EPHB1: variants seen among roughly 807,000 people sequenced by gnomAD.
EPHB1 encodes the protein EPH receptor B1, also known as ephrin type-B receptor 1.
In EPHB1, 30 loss-of-function variants were observed where a neutral mutation model predicts 94.4. The ratio of observed to expected loss-of-function variants is 0.32; its 90% confidence interval spans 0.24 to 0.43. The LOEUF is 0.43. Among genes scored for constraint, EPHB1 ranks in the 20% least tolerant of loss-of-function variants. The pLI, the probability that EPHB1 is intolerant of heterozygous loss-of-function variation, is 1.00. For missense variants in EPHB1, 1,055 were observed against 1,308.3 expected (o/e 0.81, Z 2.99); for synonymous variants, 522 against 489.1 (o/e 1.07, Z -0.89).
At chr3:135,194,962 C>G (rs1182117351) in intron 11 of EPHB1, among the ~76,000 whole-genome samples, 1 of 152,212 alleles carries the variant, frequency 6.6e-6, no homozygotes, top group South Asian at 2.1e-4. Flanking sequence ...GCTGCCACAC[C>G]TGTCATGTCA....
intron 3 of EPHB1, among the ~76,000 whole-genome samples, chr3:135,037,667 C>T (rs895242563): frequency 2.0e-5 from 3 of 152,146 alleles, no homozygotes; most frequent in African/African-American, 7.2e-5. Context: ...AGTAAATGAA[C>T]CAGCTAAAAG....
intron 4 of EPHB1, among the ~76,000 whole-genome samples, chr3:135,129,913 T>G (rs979871125): frequency 2.0e-5 from 3 of 152,100 alleles, no homozygotes; most frequent in Non-Finnish European, 4.4e-5. Context: ...AACATTTCTA[T>G]TAGCCAAAAT....
At chr3:134,805,121 G>T (rs1450208535) in intron 1 of EPHB1, among the ~76,000 whole-genome samples, 1 of 152,190 alleles carries the variant, frequency 6.6e-6, no homozygotes, top group Non-Finnish European at 1.5e-5. Context: ...GGGGATGGGG[G>T]ATTGGGAAGG....
intron 3 of EPHB1, among the ~76,000 whole-genome samples, chr3:134,966,685 G>A (rs1400250676): frequency 6.6e-6 from 1 of 152,258 alleles, no homozygotes; most frequent in Non-Finnish European, 1.5e-5. Flanking sequence ...GCCCCAGCTT[G>A]GAAAATATGT....
chr3:134,807,407 A>T (rs918865229), intron 1 of EPHB1, among the ~76,000 whole-genome samples: 3 of 152,030 alleles, frequency 2.0e-5, no homozygotes, highest in Admixed American at 6.6e-5. Flanking sequence ...ATAGACTCTG[A>T]TGGATGCGGT....
chr3:135,150,737 T>C (rs1446838259), intron 5 of EPHB1, among the ~76,000 whole-genome samples: 7 of 152,240 alleles, frequency 4.6e-5, no homozygotes. Context: ...TTGATTCTCT[T>C]GGTGATCTCT....
chr3:135,142,715 G>T (rs1226080022), intron 5 of EPHB1, among the ~76,000 whole-genome samples: 2 of 152,156 alleles, frequency 1.3e-5, no homozygotes, highest in Non-Finnish European at 2.9e-5. Context: ...AAATTGGCAG[G>T]CATGGAAGAG....
rs370457116 is a variant in EPHB1 at position 134,941,246 on chromosome 3, T to G, written c.124-10125T>G. Reference sequence around the variant, plus strand: ...TTCAGAGGCACAGAGTGGAATCAGCTCAAATCTCTCACCTTCATTTTATAG... The same window carrying G: ...TTCAGAGGCACAGAGTGGAATCAGCGCAAATCTCTCACCTTCATTTTATAG... On this transcript the variant is annotated intron_variant, in intron 2 of 15. Transcript: ENST00000398015. Among the ~76,000 whole-genome samples the G allele has an allele frequency of 7.9e-5, 12 of 151,710 alleles. No homozygotes were observed. The East Asian group carries it at 1.5e-3, about 20-fold the overall frequency.
At chr3:134,824,272 G>A (rs528622118) in intron 1 of EPHB1, among the ~76,000 whole-genome samples, 11 of 152,002 alleles carry the variant, frequency 7.2e-5, no homozygotes, top group East Asian at 1.9e-4. Context: ...GGAGCCAGTC[G>A]GGGGTGAAGT....
chr3:135,254,342 C>T (rs1023745902), intron 15 of EPHB1, among the ~76,000 whole-genome samples: 2 of 76,606 alleles, frequency 2.6e-5, no homozygotes, highest in Non-Finnish European at 5.5e-5. Context: ...ATGATATTGG[C>T]TGTGGGTTTG....
At chr3:135,175,239 GC>G (rs939164966) in intron 9 of EPHB1, among the ~76,000 whole-genome samples, 1 of 152,160 alleles carries the variant, frequency 6.6e-6, no homozygotes, top group African/African-American at 2.4e-5. Context: ...ACATGTCCCA[GC>G]CTTTTCACTT....
At position 135,106,461 on chromosome 3, in the gene EPHB1, G is replaced by A. The variant is rs747232184; in HGVS notation, c.819G>A (p.Gly273=). ...TTTGTGTTCTAGCTTGCCCTGCAGG[G>A]ACATTCAAGGCCAGCCAGGAAGCTG... ...NSVACKACPA[G]TFKASQEAEG... is the part of the protein sequence containing the mutation. Residue 273 remains glycine, a synonymous_variant, in exon 4 of 16, where the codon GGG becomes GGA. Coordinates refer to ENST00000398015, the MANE Select transcript of EPHB1 (RefSeq NM_004441.5). 2 of 1,613,866 alleles carry A rather than the reference G, an allele frequency of 1.2e-6. No individual in the cohort carries two copies. Among genetic ancestry groups the A allele is most frequent in the East Asian group, 2.2e-5 (1 of 44,880 alleles).
At chr3:134,881,947 T>A (rs2037739552) in intron 1 of EPHB1, among the ~76,000 whole-genome samples, 1 of 152,126 alleles carries the variant, frequency 6.6e-6, no homozygotes, top group Non-Finnish European at 1.5e-5. Context: ...TAAAGCTTTA[T>A]TGCAAAAAAC....
chr3:135,054,024 C>CAT (rs144029421), intron 3 of EPHB1, among the ~76,000 whole-genome samples: 37,430 of 136,870 alleles, frequency 0.27, 5,463 homozygotes, highest in East Asian at 0.57. Flanking sequence ...TGTGTGTCTG[C>CAT]ATATATATAT....
chr3:135,026,154 T>A (rs1297418514), intron 3 of EPHB1, among the ~76,000 whole-genome samples: 1 of 139,030 alleles, frequency 7.2e-6, no homozygotes, highest in South Asian at 2.5e-4. Flanking sequence ...TTTCTCCCAT[T>A]TTGTAGGTTG....
At chr3:134,905,637 G>A (rs2038306929) in intron 1 of EPHB1, among the ~76,000 whole-genome samples, 1 of 152,246 alleles carries the variant, frequency 6.6e-6, no homozygotes, top group Admixed American at 6.5e-5. Flanking sequence ...GGGCCAGTCA[G>A]TGTGGCCTGT....
chr3:135,067,471 G>C (rs557684021), intron 3 of EPHB1: 1 of 152,242 alleles, frequency 6.6e-6, no homozygotes, highest in African/African-American at 2.4e-5. Context: ...TCAGGGAAGT[G>C]GGGGAGAGCT....
chr3:134,983,730 A>AG (rs1398998924), intron 3 of EPHB1, among the ~76,000 whole-genome samples: 14 of 152,278 alleles, frequency 9.2e-5, no homozygotes, highest in Non-Finnish European at 1.6e-4. Context: ...GCCCCCTGTG[A>AG]GGGGTGCTGG....
chr3:134,872,731 C>A (rs1260026949), intron 1 of EPHB1, among the ~76,000 whole-genome samples: 1 of 152,212 alleles, frequency 6.6e-6, no homozygotes, highest in African/African-American at 2.4e-5. Context: ...AGGGTGAATA[C>A]CTTAGTACTT....
Sources: allele counts gnomAD v4.1 joint callset (sites outside exome capture counted in the v4.1 genomes callset), GRCh38; gene constraint gnomAD v4.1.1; transcripts MANE v1.5; gene names NCBI Gene and HGNC (gene_info 2026-07-23, HGNC 2026-07-21).